The following DSC3 variants were observed in gnomAD, a reference collection of about 807,000 sequenced individuals.
DSC3 encodes desmocollin-3.
In DSC3, 97 loss-of-function variants were observed where a neutral mutation model predicts 89.5. The ratio of observed to expected loss-of-function variants is 1.08; its 90% confidence interval spans 0.92 to 1.28. DSC3 has a LOEUF of 1.28. Ranked by LOEUF, DSC3 falls within the 50% of genes most tolerant of loss-of-function variation. DSC3 has a pLI of 0.00. For missense variants in DSC3, 1,199 were observed against 1,085.3 expected, an observed-to-expected ratio of 1.10 and a Z score of -1.47; for synonymous variants, 436 against 384.1, an observed-to-expected ratio of 1.14 and a Z score of -1.58.
intron 9 of DSC3, among the ~76,000 whole-genome samples, chr18:31,009,430 T>C (rs1984984443): frequency 6.6e-6 from 1 of 152,190 alleles, no homozygotes; most frequent in Admixed American, 6.5e-5. Flanking sequence ...TCAAAATCCA[T>C]CCAGAGTCTC....
intron 12 of DSC3, among the ~76,000 whole-genome samples, chr18:31,004,764 G>A (rs180885833): frequency 6.8e-4 from 103 of 152,170 alleles, no homozygotes; most frequent in African/African-American, 2.4e-3. Context: ...TAGTATTTGC[G>A]CACTATTCAT....
At chr18:31,035,780 T>C (rs1211315548) in intron 1 of DSC3, among the ~76,000 whole-genome samples, 1 of 152,108 alleles carries the variant, frequency 6.6e-6, no homozygotes, top group Non-Finnish European at 1.5e-5. Context: ...GTAGCTAAAG[T>C]CTTATGCTCT....
intron 3 of DSC3, 122 bp from the exon 4 acceptor site, chr18:31,029,750 G>A (rs1005453929): frequency 4.8e-6 from 6 of 1,259,350 alleles, no homozygotes; most frequent in Non-Finnish European, 6.9e-6. Flanking sequence ...GCATTTCCAT[G>A]CTGGAGCTAA....
chr18:31,014,275 T>C (rs1985163861), intron 9 of DSC3, among the ~76,000 whole-genome samples: 1 of 152,038 alleles, frequency 6.6e-6, no homozygotes, highest in Non-Finnish European at 1.5e-5. Flanking sequence ...AAGAGATATG[T>C]TAATTGAAGT....
chr18:31,029,899 A>G (rs1222146181), intron 3 of DSC3, among the ~76,000 whole-genome samples: 3 of 152,190 alleles, frequency 2.0e-5, no homozygotes, highest in Non-Finnish European at 4.4e-5. Flanking sequence ...AATCACCACT[A>G]TATTCTTAGT....
chr18:31,004,979 G>T (rs1289897114), intron 12 of DSC3, among the ~76,000 whole-genome samples: 1 of 152,066 alleles, frequency 6.6e-6, no homozygotes, highest in Non-Finnish European at 1.5e-5. Flanking sequence ...TTATTTTAAT[G>T]ACCATATTGT....
At chr18:31,018,912 G>C (rs1011219064) in intron 7 of DSC3, 112 bp from the exon 8 acceptor site, 7 of 1,034,074 alleles carry the variant, frequency 6.8e-6, no homozygotes, top group Non-Finnish European at 1.0e-5. Context: ...GTGTGTTTCC[G>C]TGCTTTTACC....
chr18:31,030,399 A>G (rs1192226209), intron 3 of DSC3, among the ~76,000 whole-genome samples: 2 of 152,236 alleles, frequency 1.3e-5, no homozygotes, highest in African/African-American at 2.4e-5. Flanking sequence ...TGATACAGTT[A>G]ACACAGATTA....
chr18:31,027,365 G>T (rs1012601726), intron 4 of DSC3, among the ~76,000 whole-genome samples: 7 of 151,906 alleles, frequency 4.6e-5, no homozygotes, highest in Non-Finnish European at 8.8e-5. Flanking sequence ...ATTTTTGCTG[G>T]CATCACAGTT....
chr18:31,039,772 C>T (rs951025052), intron 1 of DSC3, among the ~76,000 whole-genome samples: 16 of 152,192 alleles, frequency 1.1e-4, no homozygotes, highest in Admixed American at 2.6e-4. Flanking sequence ...TTATTCAGAA[C>T]GTGCTTCCGT....
At chr18:31,002,681 C>G (rs1330219801) in intron 13 of DSC3, among the ~76,000 whole-genome samples, 1 of 72,244 alleles carries the variant, frequency 1.4e-5, no homozygotes. Flanking sequence ...GCCTGGGCAA[C>G]AAGAGCAAAA....
At position 31,025,864 on chromosome 18, in the gene DSC3, G is replaced by T. The variant is rs137869359; in HGVS notation, c.526C>A (p.Arg176Ser). 6.2e-7 allele frequency: 1 copy of T among 1,612,800 alleles called. No homozygotes were observed. The highest frequency in any genetic ancestry group is 1.1e-5 in the South Asian group (1 of 91,056). The change falls in exon 5 of 16, where the codon CGT becomes AGT. Residue 176 changes from arginine (R) to serine (S), a missense_variant. Physicochemically the swap from Arg to Ser is moderately radical, Grantham distance 110. Transcript: ENST00000360428. ...TTTAAAGGTTCTTTATCAACTCCAC[G>T]TCCACTTATTGAGTAGAAGACAGTA... ...NYTVFYSISG[R>S]GVDKEPLNLF...
intron 13 of DSC3, among the ~76,000 whole-genome samples, chr18:31,002,924 G>A (rs1984715164): frequency 2.0e-5 from 3 of 152,070 alleles, no homozygotes; most frequent in Admixed American, 2.0e-4. Context: ...GAAAAAGTGT[G>A]CCAACTCTTG....
chr18:31,025,126 G>GTTCC (rs1985553901), intron 5 of DSC3, among the ~76,000 whole-genome samples: 2 of 152,062 alleles, frequency 1.3e-5, no homozygotes, highest in African/African-American at 2.4e-5. Flanking sequence ...CTTCTTTTTT[G>GTTCC]TAGGAACAGA....
chr18:31,022,313 A>G (rs1299716066), intron 7 of DSC3, 23 bp downstream of exon 7: 2 of 1,613,804 alleles, frequency 1.2e-6, no homozygotes, highest in Non-Finnish European at 1.7e-6. Context: ...GCGAAATGAA[A>G]TTCTATGGAG....
chr18:31,030,856 A>T, intron 3 of DSC3, 117 bp downstream of exon 3: 1 of 954,596 alleles, frequency 1.0e-6, no homozygotes, highest in East Asian at 2.6e-5. Context: ...AAAGGAAAGG[A>T]AACAAAATGA....
intron 5 of DSC3, among the ~76,000 whole-genome samples, chr18:31,024,796 G>C (rs1985543260): frequency 6.6e-6 from 1 of 152,056 alleles, no homozygotes; most frequent in Non-Finnish European, 1.5e-5. Flanking sequence ...TCTATAATCA[G>C]AAAATTATGC....
At chr18:30,998,517 TA>T (rs1425768229) in intron 14 of DSC3, among the ~76,000 whole-genome samples, 1 of 152,126 alleles carries the variant, frequency 6.6e-6, no homozygotes, top group Non-Finnish European at 1.5e-5. Context: ...GAGCTGGAGA[TA>T]TAATTCTGGG....
At chr18:31,009,432 C>T (rs1237722366) in intron 9 of DSC3, among the ~76,000 whole-genome samples, 1 of 152,162 alleles carries the variant, frequency 6.6e-6, no homozygotes, top group Non-Finnish European at 1.5e-5. Flanking sequence ...AAAATCCATC[C>T]AGAGTCTCAT....
Sources: gnomAD v4.1 joint callset for allele counts (sites outside exome capture counted in the v4.1 genomes callset) on GRCh38, gnomAD v4.1.1 for gene constraint, MANE v1.5 for transcripts, NCBI Gene and HGNC (gene_info 2026-07-23, HGNC 2026-07-21) for gene names.